The following MYO1E variants were observed in gnomAD, a reference collection of about 807,000 sequenced individuals.
The protein encoded by MYO1E is unconventional myosin-Ie.
A neutral mutation model predicts 151.1 loss-of-function variants in MYO1E; 68 were observed. The observed-to-expected ratio is 0.45, with a 90% CI of 0.37 to 0.55. MYO1E has a LOEUF of 0.55. Ranked by LOEUF, MYO1E falls within the 20% of genes least tolerant of loss-of-function variation. The probability of loss-of-function intolerance (pLI) is 0.00; values close to 1 mark genes in which losing one functional copy is unlikely to be tolerated. For synonymous variants in MYO1E, 601 were observed against 501.7 expected (o/e 1.20, Z -2.64); for missense variants, 1,363 against 1,389.3 (o/e 0.98, Z 0.30).
At chr15:59,224,375 C>T (rs964548404) in intron 8 of MYO1E, among the ~76,000 whole-genome samples, 2 of 152,142 alleles carry the variant, frequency 1.3e-5, no homozygotes, top group Non-Finnish European at 2.9e-5. Flanking sequence ...AAATAGCTCA[C>T]GAATAGAGTA....
At chr15:59,361,918 C>T (rs947157779) in intron 1 of MYO1E, among the ~76,000 whole-genome samples, 2 of 152,026 alleles carry the variant, frequency 1.3e-5, no homozygotes, top group Non-Finnish European at 2.9e-5. Context: ...CTTACTGCAA[C>T]CTCCTCCTCC....
intron 26 of MYO1E, among the ~76,000 whole-genome samples, chr15:59,151,853 C>T (rs1180036186): frequency 6.6e-6 from 1 of 151,996 alleles, no homozygotes; most frequent in Non-Finnish European, 1.5e-5. Flanking sequence ...CAAGACCATC[C>T]TGGCCAACAC....
intron 21 of MYO1E, 123 bp downstream of exon 21, chr15:59,173,623 T>G: frequency 8.0e-7 from 1 of 1,249,030 alleles, no homozygotes; most frequent in Non-Finnish European, 1.2e-6. Flanking sequence ...GTTTACTGTA[T>G]TTTCTCTAAA....
chr15:59,195,643 C>T (rs1290811634), intron 16 of MYO1E, 76 bp from the exon 17 acceptor site: 3 of 1,304,978 alleles, frequency 2.3e-6, no homozygotes, highest in Non-Finnish European at 3.3e-6. Context: ...ACTTGTAAAA[C>T]TCTCTTGTAG....
At chr15:59,172,374 CATGGTCA>C (rs1440275757) in intron 21 of MYO1E, among the ~76,000 whole-genome samples, 5 of 152,126 alleles carry the variant, frequency 3.3e-5, no homozygotes. Flanking sequence ...GGTGGACAGA[CATGGTCA>C]ATGTGATGAC....
At chr15:59,212,602 A>C (rs1304126621) in intron 12 of MYO1E, 1 of 152,184 alleles carries the variant, frequency 6.6e-6, no homozygotes, top group South Asian at 2.1e-4. Context: ...TTGAAATCCA[A>C]AACAATGGTG....
At chr15:59,327,007 C>T (rs2080668859) in intron 1 of MYO1E, among the ~76,000 whole-genome samples, 1 of 152,214 alleles carries the variant, frequency 6.6e-6, no homozygotes, top group African/African-American at 2.4e-5. Context: ...TTCAGGCAAT[C>T]AGGCACCTGC....
At chr15:59,291,508 TTTTA>T (rs1163965911) in intron 1 of MYO1E, among the ~76,000 whole-genome samples, 1 of 151,908 alleles carries the variant, frequency 6.6e-6, no homozygotes, top group Non-Finnish European at 1.5e-5. Flanking sequence ...TTCAATTATT[TTTTA>T]TTTATTTTTT....
In MYO1E at chr15:59,372,711, C is replaced by A; in HGVS notation, c.-211G>T. On this transcript the variant is annotated 5_prime_UTR_variant, in exon 1 of 28. Coordinates refer to ENST00000288235, the MANE Select transcript of MYO1E (RefSeq NM_004998.4). ...CTAGGTGAGGGCGAGACGGCGGCGA[C>A]TTAGCAGGCGGGGCGCATGCTGCGG... The A allele has an allele frequency of 3.3e-6, 2 of 601,312 alleles. No homozygotes were observed. The highest frequency in any genetic ancestry group is 5.7e-6 in the Non-Finnish European group (2 of 353,366). 37.2% of individuals were successfully genotyped at this position (601,312 alleles called of 1,614,324 possible). A position where few individuals can be genotyped will look rare whatever the true frequency, so the allele number is the denominator to read the frequency against.
chr15:59,339,924 T>G (rs1390364047), intron 1 of MYO1E, among the ~76,000 whole-genome samples: 2 of 151,722 alleles, frequency 1.3e-5, no homozygotes, highest in Non-Finnish European at 2.9e-5. Context: ...CCCGGCTTAC[T>G]GCAACCTCTG....
intron 1 of MYO1E, among the ~76,000 whole-genome samples, chr15:59,304,186 T>C (rs577180556): frequency 5.9e-5 from 9 of 152,246 alleles, no homozygotes; most frequent in Admixed American, 4.6e-4. Context: ...TTTCACCATG[T>C]TGGTCAAGCT....
intron 4 of MYO1E, among the ~76,000 whole-genome samples, chr15:59,245,826 C>G (rs1279261513): frequency 1.3e-5 from 2 of 152,224 alleles, no homozygotes; most frequent in Admixed American, 1.3e-4. Flanking sequence ...TGCCTCTGGC[C>G]ACATTGTCAA....
At chr15:59,251,956 A>G (rs2080167579) in intron 4 of MYO1E, among the ~76,000 whole-genome samples, 1 of 152,260 alleles carries the variant, frequency 6.6e-6, no homozygotes, top group Admixed American at 6.5e-5. Flanking sequence ...TGCTACTAAT[A>G]ATATTGGTAT....
At chr15:59,278,645 G>A (rs978376466) in intron 1 of MYO1E, among the ~76,000 whole-genome samples, 9 of 152,178 alleles carry the variant, frequency 5.9e-5, no homozygotes, top group Non-Finnish European at 1.2e-4. Context: ...ATGGGAAGAT[G>A]TGTCTCTGAA....
intron 22 of MYO1E, among the ~76,000 whole-genome samples, chr15:59,168,736 T>A (rs902854554): frequency 6.6e-6 from 1 of 151,756 alleles, no homozygotes; most frequent in Non-Finnish European, 1.5e-5. Flanking sequence ...TCCTCCCACC[T>A]CAGCTTCCTG....
chr15:59,258,376 T>A (rs12441621), intron 3 of MYO1E, among the ~76,000 whole-genome samples: 26,758 of 151,944 alleles, frequency 0.18, 2,957 homozygotes, highest in East Asian at 0.53. Flanking sequence ...AAAATATATA[T>A]CTAGAAAATG....
At chr15:59,172,720 C>A (rs533934957) in intron 21 of MYO1E, among the ~76,000 whole-genome samples, 2 of 152,296 alleles carry the variant, frequency 1.3e-5, no homozygotes, top group African/African-American at 4.8e-5. Flanking sequence ...CATATATTTT[C>A]TTGGGAGTTC....
intron 26 of MYO1E, among the ~76,000 whole-genome samples, chr15:59,149,033 G>T (rs1483933621): frequency 2.8e-5 from 4 of 144,216 alleles, no homozygotes; most frequent in Non-Finnish European, 6.0e-5. Context: ...GTGGGTGGAT[G>T]AACTGTTTTT....
intron 1 of MYO1E, among the ~76,000 whole-genome samples, chr15:59,306,428 T>C (rs186631837): frequency 1.3e-5 from 2 of 152,366 alleles, no homozygotes; most frequent in East Asian, 3.9e-4. Flanking sequence ...ATATATGTTT[T>C]AATGAGCATT....
Sources: allele counts gnomAD v4.1 joint callset (sites outside exome capture counted in the v4.1 genomes callset), GRCh38; gene constraint gnomAD v4.1.1; transcripts MANE v1.5; gene names NCBI Gene and HGNC (gene_info 2026-07-23, HGNC 2026-07-21).